Variants in MGMT observed in about 807,000 individuals in gnomAD.
MGMT encodes the protein O-6-methylguanine-DNA methyltransferase, also known as methylated-DNA--protein-cysteine methyltransferase.
A neutral mutation model predicts 15.9 loss-of-function variants in MGMT; 14 were observed. The ratio of observed to expected loss-of-function variants is 0.88; its 90% confidence interval spans 0.58 to 1.37. The LOEUF (loss-of-function observed/expected upper bound fraction) is 1.37. Ranked by LOEUF, MGMT falls within the 40% of genes most tolerant of loss-of-function variation. The probability of loss-of-function intolerance (pLI) is 0.00; values close to 1 mark genes in which losing one functional copy is unlikely to be tolerated. For synonymous variants in MGMT, 130 were observed against 118.2 expected, an observed-to-expected ratio of 1.10 and a Z score of -0.65; for missense variants, 282 against 268.1, an observed-to-expected ratio of 1.05 and a Z score of -0.36.
rs569236523 is a variant in MGMT, at chr10:129,524,458, T to C, written c.-12-11783T>C. 3.3e-5 allele frequency among the ~76,000 whole-genome samples: 5 copies of C among 152,266 alleles called. No individual in the cohort carries two copies. The East Asian group carries it at 7.7e-4, about 24-fold the overall frequency. On this transcript the variant is annotated intron_variant, in intron 1 of 4. Transcript: ENST00000651593. ...TTTGCATACCCCCGACACTGGGACA[T>C]TGATGTCATGGAATCTCTTCATATA...
At chr10:129,588,772 A>G (rs1255675864) in intron 2 of MGMT, among the ~76,000 whole-genome samples, 3 of 152,264 alleles carry the variant, frequency 2.0e-5, no homozygotes, top group African/African-American at 7.2e-5. Context: ...TTTGGAAAAC[A>G]CGCAGCATCA....
At chr10:129,693,286 A>G (rs1050823222) in intron 2 of MGMT, among the ~76,000 whole-genome samples, 11 of 152,210 alleles carry the variant, frequency 7.2e-5, no homozygotes, top group African/African-American at 1.7e-4. Flanking sequence ...ATATCTCACT[A>G]TTATAAAGGT....
intron 2 of MGMT, among the ~76,000 whole-genome samples, chr10:129,667,514 T>C (rs184948718): frequency 5.3e-5 from 8 of 152,304 alleles, no homozygotes; most frequent in Middle Eastern, 3.4e-3. Context: ...CACAGTTTAT[T>C]AGTATCTTCC....
intron 2 of MGMT, among the ~76,000 whole-genome samples, chr10:129,557,458 G>A (rs1324063547): frequency 6.6e-6 from 1 of 152,092 alleles, no homozygotes; most frequent in East Asian, 1.9e-4. Flanking sequence ...TCATTGTGTT[G>A]CTGCATATAT....
At chr10:129,560,227 T>C (rs1463939148) in intron 2 of MGMT, among the ~76,000 whole-genome samples, 1 of 152,176 alleles carries the variant, frequency 6.6e-6, no homozygotes, top group African/African-American at 2.4e-5. Flanking sequence ...AAAACGAGGA[T>C]CGTTTGAATA....
chr10:129,470,813 G>C (rs148166901), intron 1 of MGMT, among the ~76,000 whole-genome samples: 3 of 152,176 alleles, frequency 2.0e-5, no homozygotes, highest in Non-Finnish European at 4.4e-5. Context: ...AGGAGGCCTC[G>C]TGTCCCCTTC....
chr10:129,503,348 C>T (rs998048104), intron 1 of MGMT, among the ~76,000 whole-genome samples: 1 of 152,166 alleles, frequency 6.6e-6, no homozygotes, highest in Non-Finnish European at 1.5e-5. Context: ...AATTTATAAA[C>T]CTCCGTTTTC....
intron 1 of MGMT, among the ~76,000 whole-genome samples, chr10:129,531,150 T>C (rs1472368969): frequency 6.6e-6 from 1 of 152,010 alleles, no homozygotes; most frequent in African/African-American, 2.4e-5. Flanking sequence ...AATGGCCCTC[T>C]CTTGAGGTTG....
intron 2 of MGMT, among the ~76,000 whole-genome samples, chr10:129,574,439 C>T (rs993183289): frequency 5.3e-5 from 8 of 152,152 alleles, no homozygotes; most frequent in Non-Finnish European, 1.5e-5. Flanking sequence ...TAAGATTTTG[C>T]TAAGATATTA....
At chr10:129,562,597 C>A (rs1289900063) in intron 2 of MGMT, among the ~76,000 whole-genome samples, 1 of 152,096 alleles carries the variant, frequency 6.6e-6, no homozygotes, top group Non-Finnish European at 1.5e-5. Context: ...CTTTTTTTCC[C>A]CATTACAGAT....
intron 3 of MGMT, among the ~76,000 whole-genome samples, chr10:129,739,926 C>T (rs1435453095): frequency 6.6e-6 from 1 of 152,240 alleles, no homozygotes; most frequent in African/African-American, 2.4e-5. Context: ...AGAGGCCCTA[C>T]ATCCTGTCCC....
At chr10:129,734,619 G>A (rs1459787854) in intron 3 of MGMT, among the ~76,000 whole-genome samples, 3 of 152,090 alleles carry the variant, frequency 2.0e-5, no homozygotes, top group Non-Finnish European at 4.4e-5. Flanking sequence ...TGGTGAGAGA[G>A]GGTATCCCTG....
intron 2 of MGMT, among the ~76,000 whole-genome samples, chr10:129,561,671 G>A (rs778365811): frequency 5.3e-5 from 8 of 152,058 alleles, no homozygotes; most frequent in Non-Finnish European, 7.4e-5. Flanking sequence ...CAGTTTTACC[G>A]AGACACAGTT....
intron 2 of MGMT, among the ~76,000 whole-genome samples, chr10:129,657,890 A>G (rs867687631): frequency 2.6e-5 from 4 of 152,232 alleles, no homozygotes; most frequent in Middle Eastern, 3.4e-3. Context: ...CCCCCATCCC[A>G]TGAGTGCAAA....
At chr10:129,739,875 G>A (rs1848610673) in intron 3 of MGMT, among the ~76,000 whole-genome samples, 1 of 151,734 alleles carries the variant, frequency 6.6e-6, no homozygotes, top group African/African-American at 2.4e-5. Context: ...CAAAAGATTA[G>A]ACACCCCTGC....
intron 3 of MGMT, among the ~76,000 whole-genome samples, chr10:129,720,046 T>A (rs537722452): frequency 1.7e-4 from 26 of 152,184 alleles, no homozygotes; most frequent in African/African-American, 6.0e-4. Context: ...CAACAGAACT[T>A]CCCAAGGACG....
intron 2 of MGMT, among the ~76,000 whole-genome samples, chr10:129,669,889 A>T (rs537470576): frequency 1.3e-5 from 2 of 152,268 alleles, no homozygotes; most frequent in East Asian, 1.9e-4. Context: ...ATTTATTTTT[A>T]AAAAATATAA....
At chr10:129,654,761 C>T (rs1432109617) in intron 2 of MGMT, among the ~76,000 whole-genome samples, 1 of 152,068 alleles carries the variant, frequency 6.6e-6, no homozygotes, top group African/African-American at 2.4e-5. Flanking sequence ...ACAAGGGCCC[C>T]CTCCTGCCCA....
intron 3 of MGMT, among the ~76,000 whole-genome samples, chr10:129,745,308 G>A (rs545299310): frequency 3.3e-5 from 5 of 152,162 alleles, no homozygotes; most frequent in South Asian, 4.2e-4. Context: ...ATGTTAACGC[G>A]TGTGTGTGTT....
Sources: allele counts gnomAD v4.1 joint callset (sites outside exome capture counted in the v4.1 genomes callset), GRCh38; gene constraint gnomAD v4.1.1; transcripts MANE v1.5; gene names NCBI Gene and HGNC (gene_info 2026-07-23, HGNC 2026-07-21).